AKIRIN2: variants seen among roughly 807,000 people sequenced by gnomAD.
AKIRIN2 encodes akirin-2.
In AKIRIN2, 6 loss-of-function variants were observed where a neutral mutation model predicts 29.3. The observed-to-expected ratio is 0.20, with a 90% CI of 0.11 to 0.40. The LOEUF (loss-of-function observed/expected upper bound fraction) is 0.40. AKIRIN2 is among the 10% of genes least tolerant of loss of function. The pLI is 1.00. For synonymous variants in AKIRIN2, 128 were observed against 117.5 expected, an observed-to-expected ratio of 1.09 and a Z score of -0.58; for missense variants, 210 against 276.1, an observed-to-expected ratio of 0.76 and a Z score of 1.70.
intron 3 of AKIRIN2, 70 bp from the exon 4 acceptor site, chr6:87,676,001 A>C (rs2128300061): frequency 1.6e-6 from 2 of 1,280,414 alleles, no homozygotes; most frequent in East Asian, 4.6e-5. Context: ...CTGAAAACAC[A>C]AAATATACAG....
chr6:87,676,802 C>T (rs567053690), intron 3 of AKIRIN2, among the ~76,000 whole-genome samples: 2 of 149,726 alleles, frequency 1.3e-5, no homozygotes, highest in South Asian at 4.2e-4. Flanking sequence ...ATTGGCCGGG[C>T]ATGGTGGCTT....
At chr6:87,679,894 G>C (rs1359022000) in intron 2 of AKIRIN2, among the ~76,000 whole-genome samples, 1 of 152,212 alleles carries the variant, frequency 6.6e-6, no homozygotes. Flanking sequence ...CTCGCTCTGT[G>C]AATTTGCCCT....
rs1428420245 is a variant in AKIRIN2 at position 87,702,199 on chromosome 6, C to G, written c.-515G>C. On this transcript the variant is annotated 5_prime_UTR_variant, in exon 1 of 5. Coordinates refer to ENST00000257787, the MANE Select transcript of AKIRIN2 (RefSeq NM_018064.4). ...CTGCCGCAGCAGGAACCCAAGCGAACACGTCCAACCGCTTCCCCTCCCTCG... is the reference window on the plus strand; with the variant it reads ...CTGCCGCAGCAGGAACCCAAGCGAAGACGTCCAACCGCTTCCCCTCCCTCG... The G allele has an allele frequency of 2.5e-6, 1 of 397,862 alleles. No individual in the cohort carries two copies. Among genetic ancestry groups the G allele is most frequent in the African/African-American group, 2.1e-5 (1 of 48,620 alleles). 24.6% of individuals were successfully genotyped at this position (397,862 alleles called of 1,614,324 possible).
At position 87,681,663 on chromosome 6, in the gene AKIRIN2, A is replaced by G. The variant is rs368094512; in HGVS notation, c.336T>C (p.Asp112=). The G allele has an allele frequency of 1.0e-4, 166 of 1,613,376 alleles. No individual in the cohort carries two copies. Among genetic ancestry groups the G allele is most frequent in the Non-Finnish European group, 1.4e-4 (161 of 1,179,846 alleles). ...TGAGGAGAAATGCATGTGGCTGTGCATCAGAAGTACAACACGGATCTGTCT... is the reference window on the plus strand; with the variant it reads ...TGAGGAGAAATGCATGTGGCTGTGCGTCAGAAGTACAACACGGATCTGTCT... The part of the protein sequence containing the change: ...FQQTDPCCTS[D]AQPHAFLLSG... The change falls in exon 2 of 5, where the codon GAT becomes GAC. Residue 112 remains aspartate, a synonymous_variant. Coordinates refer to ENST00000257787, the MANE Select transcript of AKIRIN2 (RefSeq NM_018064.4).
At chr6:87,687,784 G>A (rs1184628232) in intron 1 of AKIRIN2, among the ~76,000 whole-genome samples, 3 of 152,152 alleles carry the variant, frequency 2.0e-5, no homozygotes, top group Non-Finnish European at 4.4e-5. Flanking sequence ...TGTTGCTATT[G>A]TTATGTAGCT....
chr6:87,701,846 C>T lies in AKIRIN2; in HGVS notation c.-162G>A. On this transcript the variant is annotated 5_prime_UTR_variant, in exon 1 of 5. Transcript: ENST00000257787. The stretch of plus-strand genomic sequence containing the variant: ...GCGCCGGCTGTGGAAAGGAGAGCCG[C>T]TGCCGCCGCTGCCTCCGCGGCAGGG... The T allele has an allele frequency of 2.1e-6, 1 of 467,752 alleles. No individual in the cohort carries two copies. Among genetic ancestry groups the T allele is most frequent in the African/African-American group, 2.0e-5 (1 of 49,278 alleles). The allele number at this position is 467,752 out of a possible 1,614,324, so 29.0% of individuals were successfully genotyped here. A position where few individuals can be genotyped will look rare whatever the true frequency, so the allele number is the denominator to read the frequency against.
At chr6:87,692,409 A>G (rs973501973) in intron 1 of AKIRIN2, among the ~76,000 whole-genome samples, 1 of 152,234 alleles carries the variant, frequency 6.6e-6, no homozygotes, top group Admixed American at 6.5e-5. Flanking sequence ...CGGCTTGAAC[A>G]TGGCAGAGCC....
chr6:87,698,380 A>C (rs1771405236), intron 1 of AKIRIN2, among the ~76,000 whole-genome samples: 1 of 152,128 alleles, frequency 6.6e-6, no homozygotes, highest in Non-Finnish European at 1.5e-5. Flanking sequence ...ACTTAAAAAA[A>C]AAAAAAAAAG....
At chr6:87,681,797 A>G in intron 1 of AKIRIN2, 34 bp from the exon 2 acceptor site, 1 of 1,503,352 alleles carries the variant, frequency 6.7e-7, no homozygotes, top group South Asian at 1.2e-5. Flanking sequence ...GGCAAGATAA[A>G]AACTTTCACA....
Position 87,675,879 on chromosome 6 carries a change from A to G in AKIRIN2, c.582T>C (p.Tyr194=), listed in dbSNP as rs773514519. 17 of 1,613,768 alleles carry G rather than the reference A, an allele frequency of 1.1e-5. No individual in the cohort carries two copies. In the South Asian group the frequency reaches 1.3e-4, roughly 13 times the overall value. ...KFTHDQIMRR[Y]GEQPASYVS The stretch of plus-strand genomic sequence containing the variant: ...ACTTACAGCTAGCAGGCTGTTCTCC[A>G]TATCGTCGCATTATTTGATCATGCG... The change falls in exon 4 of 5, where the codon TAT becomes TAC. Residue 194 remains tyrosine (Y), a synonymous_variant. Coordinates refer to ENST00000257787, the MANE Select transcript of AKIRIN2 (RefSeq NM_018064.4).
At chr6:87,701,414 C>T (rs1651421078) in intron 1 of AKIRIN2, 36 bp downstream of exon 1, 1 of 1,529,990 alleles carries the variant, frequency 6.5e-7, no homozygotes, top group Admixed American at 2.0e-5. Context: ...TCCCAGTTCT[C>T]TCCACTACCC....
intron 1 of AKIRIN2, 78 bp downstream of exon 1, chr6:87,701,372 A>AGGGT: frequency 7.0e-7 from 1 of 1,420,640 alleles, no homozygotes; most frequent in Non-Finnish European, 9.3e-7. Context: ...CCCCCACCCC[A>AGGGT]GGGGCCGCAT....
chr6:87,687,781 A>C (rs557839884), intron 1 of AKIRIN2, among the ~76,000 whole-genome samples: 3 of 152,188 alleles, frequency 2.0e-5, no homozygotes, highest in Non-Finnish European at 4.4e-5. Flanking sequence ...CCTTGTTGCT[A>C]TTGTTATGTA....
intron 2 of AKIRIN2, among the ~76,000 whole-genome samples, chr6:87,680,800 G>C (rs1291543448): frequency 8.1e-6 from 1 of 122,828 alleles, no homozygotes; most frequent in East Asian, 2.3e-4. Context: ...AAAAAGGAAG[G>C]TTATTTGCAA....
chr6:87,698,057 T>C (rs1254277536), intron 1 of AKIRIN2, among the ~76,000 whole-genome samples: 1 of 152,222 alleles, frequency 6.6e-6, no homozygotes, highest in Non-Finnish European at 1.5e-5. Flanking sequence ...GGTAGTATTA[T>C]GAGATGTTTC....
At chr6:87,680,515 C>G (rs1350999654) in intron 2 of AKIRIN2, among the ~76,000 whole-genome samples, 1 of 151,188 alleles carries the variant, frequency 6.6e-6, no homozygotes, top group Non-Finnish European at 1.5e-5. Flanking sequence ...TCGTGATAAA[C>G]CTGCCTTGGC....
rs923464340 is a variant in AKIRIN2, at chr6:87,679,394, C to T, written c.380-1427G>A. The stretch of plus-strand genomic sequence containing the variant: ...CAAAGATTGGCTGGGAGTGGTGGCA[C>T]GTGCCTGTAGTTCTAGCTACAGGCT... On this transcript the variant is annotated intron_variant, in intron 2 of 4. Coordinates refer to ENST00000257787, the MANE Select transcript of AKIRIN2 (RefSeq NM_018064.4). Among the ~76,000 whole-genome samples the T allele has an allele frequency of 1.6e-4, 23 of 146,692 alleles. No homozygotes were observed. In the East Asian group the frequency reaches 3.9e-3, roughly 25 times the overall value.
intron 1 of AKIRIN2, among the ~76,000 whole-genome samples, chr6:87,690,558 G>C (rs1771263601): frequency 6.6e-6 from 1 of 152,160 alleles, no homozygotes; most frequent in Admixed American, 6.5e-5. Context: ...TATATACAAT[G>C]ATTATTTCAT....
In AKIRIN2 at chr6:87,681,739, T is replaced by G; in HGVS notation, c.260A>C (p.Gln87Pro). The change falls in exon 2 of 5, where the codon CAA (glutamine) becomes CCA (proline). Residue 87 changes from glutamine (Q) to proline (P), a missense_variant. Gln to Pro is a moderately conservative substitution (Grantham distance 76). Around this residue, in one of 2 missense-constraint regions of AKIRIN2, gnomAD observed 199 missense variants for 236.5 expected, o/e 0.84. Coordinates refer to ENST00000257787, the MANE Select transcript of AKIRIN2 (RefSeq NM_018064.4). ...TTEQILYNIK[Q>P]EYKRMQKRRH... ...TCTCTTCTGCATTCGTTTATACTCTTGTTTTATGTTGTACAGAATTTGTTC... is the reference window on the plus strand; with the variant it reads ...TCTCTTCTGCATTCGTTTATACTCTGGTTTTATGTTGTACAGAATTTGTTC... The G allele has an allele frequency of 6.2e-7, 1 of 1,601,252 alleles. No individual in the cohort carries two copies. Among genetic ancestry groups the G allele is most frequent in the Non-Finnish European group, 8.5e-7 (1 of 1,175,016 alleles).
Sources: allele counts gnomAD v4.1 joint callset (sites outside exome capture counted in the v4.1 genomes callset), GRCh38; gene constraint gnomAD v4.1.1; regional missense constraint gnomAD v4.1.1; transcripts MANE v1.5; gene names NCBI Gene and HGNC (gene_info 2026-07-23, HGNC 2026-07-21).